The following TENM2 variants were observed in gnomAD, a reference collection of about 807,000 sequenced individuals.
TENM2 encodes the protein teneurin transmembrane protein 2.
Under a neutral mutation model 245.2 loss-of-function variants are expected in TENM2, and 52 were observed. The observed-to-expected ratio is 0.21, with a 90% confidence interval of 0.17 to 0.27. The LOEUF (loss-of-function observed/expected upper bound fraction) is 0.27. TENM2 is among the 10% of genes least tolerant of loss of function. The pLI is 1.00. For missense variants in TENM2, 3,046 were observed against 3,666.8 expected, an observed-to-expected ratio of 0.83 and a Z score of 4.37; for synonymous variants, 1,363 against 1,438.9, an observed-to-expected ratio of 0.95 and a Z score of 1.19.
At chr5:167,288,519 A>T (rs1300100771) in intron 1 of TENM2, among the ~76,000 whole-genome samples, 1 of 150,582 alleles carries the variant, frequency 6.6e-6, no homozygotes, top group Non-Finnish European at 1.5e-5. Context: ...AGATCGCGCC[A>T]CTGCACTCCA....
At chr5:167,949,379 TGTCA>T (rs1474804313) in intron 3 of TENM2, among the ~76,000 whole-genome samples, 1 of 152,216 alleles carries the variant, frequency 6.6e-6, no homozygotes, top group Non-Finnish European at 1.5e-5. Flanking sequence ...GCTTGAGGGC[TGTCA>T]GTCTGTGACA....
rs988145553 is a variant in TENM2 at position 167,382,399 on chromosome 5, C to A, written c.502+6926C>A. Among the ~76,000 whole-genome samples, 6 of 152,276 alleles carry A rather than the reference C, an allele frequency of 3.9e-5. No individual in the cohort carries two copies. The East Asian group carries it at 1.2e-3, about 29-fold the overall frequency. The stretch of plus-strand genomic sequence containing the variant: ...AGAGAAAGACATGGAGCAATGTTAG[C>A]TAATGCTGAAATGGGAACCAGCGAG... On this transcript the variant is annotated intron_variant, in intron 2 of 28. Transcript: ENST00000518659.
intron 12 of TENM2, among the ~76,000 whole-genome samples, chr5:168,136,581 G>A (rs770394783): frequency 1.3e-5 from 2 of 152,136 alleles, no homozygotes; most frequent in Admixed American, 6.5e-5. Flanking sequence ...CTTTATCAAC[G>A]GGTCCAAAGT....
chr5:167,653,583 GTATT>G (rs972207297), intron 2 of TENM2: 57 of 151,774 alleles, frequency 3.8e-4, no homozygotes, highest in African/African-American at 1.2e-3. Flanking sequence ...TATCTGGTCC[GTATT>G]TAAAGGCATA....
At chr5:167,150,958 T>TA in the TENM2 span, among the ~76,000 whole-genome samples, 1 of 152,244 alleles carries the variant, frequency 6.6e-6, no homozygotes, top group Non-Finnish European at 1.5e-5. Context: ...AGATTGGTGA[T>TA]AATTTTTTCC....
the TENM2 span, among the ~76,000 whole-genome samples, chr5:167,140,138 T>A: frequency 6.6e-6 from 1 of 152,106 alleles, no homozygotes; most frequent in Non-Finnish European, 1.5e-5. Context: ...TGATTACTGT[T>A]TTTTACTTTA....
intron 2 of TENM2, among the ~76,000 whole-genome samples, chr5:167,416,767 T>TA (rs1763191536): frequency 6.6e-6 from 1 of 152,188 alleles, no homozygotes; most frequent in Admixed American, 6.5e-5. Context: ...TGAACATGCT[T>TA]ACTGACATTC....
chr5:167,855,915 GAGGGAGGAAGGA>G (rs1216898812), intron 2 of TENM2, among the ~76,000 whole-genome samples: 3 of 144,556 alleles, frequency 2.1e-5, no homozygotes, highest in Non-Finnish European at 4.6e-5. Context: ...GGGAATGAGG[GAGGGAGGAAGGA>G]AGGGAGGAAA....
chr5:167,460,257 G>A (rs968641643), intron 2 of TENM2, among the ~76,000 whole-genome samples: 5 of 152,122 alleles, frequency 3.3e-5, no homozygotes, highest in African/African-American at 1.2e-4. Flanking sequence ...AATACATTAT[G>A]TTTATGATAT....
intron 2 of TENM2, among the ~76,000 whole-genome samples, chr5:167,713,651 G>T (rs1218457371): frequency 1.3e-5 from 2 of 151,978 alleles, no homozygotes; most frequent in African/African-American, 4.8e-5. Context: ...TGCAAGCACA[G>T]GCATACATGC....
At chr5:168,236,995 TATATA>T (rs1237966537) in intron 25 of TENM2, among the ~76,000 whole-genome samples, 10 of 4,624 alleles carry the variant, frequency 2.2e-3, no homozygotes, top group Non-Finnish European at 3.4e-3. Context: ...TATATATATA[TATATA>T]TTTTTTTTTT....
intron 27 of TENM2, among the ~76,000 whole-genome samples, chr5:168,253,705 G>T (rs568775209): frequency 6.6e-6 from 1 of 152,082 alleles, no homozygotes; most frequent in Non-Finnish European, 1.5e-5. Flanking sequence ...GATTACAGGC[G>T]TGAGCCACCG....
the TENM2 span, among the ~76,000 whole-genome samples, chr5:167,100,600 T>C: frequency 6.6e-6 from 1 of 152,034 alleles, no homozygotes; most frequent in African/African-American, 2.4e-5. Context: ...GAACATTTCA[T>C]CCCTTTTCCA....
intron 2 of TENM2, among the ~76,000 whole-genome samples, chr5:167,549,297 G>C (rs1772775374): frequency 6.6e-6 from 1 of 151,894 alleles, no homozygotes; most frequent in Non-Finnish European, 1.5e-5. Flanking sequence ...TAGTACACTT[G>C]AACTTTATAA....
At chr5:168,009,179 G>A (rs1223418956) in intron 5 of TENM2, among the ~76,000 whole-genome samples, 1 of 152,184 alleles carries the variant, frequency 6.6e-6, no homozygotes, top group Non-Finnish European at 1.5e-5. Flanking sequence ...GGACTTGAAG[G>A]CACTTGCCTG....
the TENM2 span, among the ~76,000 whole-genome samples, chr5:167,105,887 C>CAAAAAAAAAAAAA: frequency 2.5e-4 from 12 of 48,828 alleles, 1 homozygote; most frequent in Non-Finnish European, 3.3e-4. Context: ...GACTCCGTCT[C>CAAAAAAAAAAAAA]AAAAAAAAAA....
intron 1 of TENM2, among the ~76,000 whole-genome samples, chr5:167,354,954 CAA>C: frequency 6.6e-6 from 1 of 152,244 alleles, no homozygotes; most frequent in South Asian, 2.1e-4. Context: ...CTCTAAATGA[CAA>C]AGAAATAGTT....
intron 3 of TENM2, among the ~76,000 whole-genome samples, chr5:167,898,376 A>C (rs966367862): frequency 2.0e-5 from 3 of 152,082 alleles, no homozygotes; most frequent in Non-Finnish European, 2.9e-5. Flanking sequence ...ACGTCTGAGA[A>C]GCACTGATCT....
At chr5:167,272,811 A>G in the TENM2 span, among the ~76,000 whole-genome samples, 555 of 152,286 alleles carry the variant, frequency 3.6e-3, 2 homozygotes, top group African/African-American at 0.012. Flanking sequence ...ACAATGAAAC[A>G]ATGCCTGGGG....
Sources: allele counts gnomAD v4.1 joint callset (sites outside exome capture counted in the v4.1 genomes callset), GRCh38; gene constraint gnomAD v4.1.1; transcripts MANE v1.5; gene names NCBI Gene and HGNC (gene_info 2026-07-23, HGNC 2026-07-21).